The following PPP1R7 variants were observed in gnomAD, a reference collection of about 807,000 sequenced individuals.
PPP1R7 encodes the protein protein phosphatase 1 regulatory subunit 22.
In PPP1R7, 18 loss-of-function variants were observed where a neutral mutation model predicts 45.2. The ratio of observed to expected loss-of-function variants is 0.40; its 90% CI spans 0.28 to 0.59. The LOEUF (loss-of-function observed/expected upper bound fraction) is 0.59, where lower values mean the gene tolerates loss of function less well. Among genes scored for constraint, PPP1R7 ranks in the 20% least tolerant of loss-of-function variants. The pLI is 0.46. For synonymous variants in PPP1R7, 181 were observed against 183.4 expected, an observed-to-expected ratio of 0.99 and a Z score of 0.11; for missense variants, 314 against 455.8, an observed-to-expected ratio of 0.69 and a Z score of 2.83.
At chr2:241,171,783 A>G (rs771041142) in intron 9 of PPP1R7, among the ~76,000 whole-genome samples, 1 of 152,316 alleles carries the variant, frequency 6.6e-6, no homozygotes, top group African/African-American at 2.4e-5. Flanking sequence ...ATCATATGAA[A>G]TGTTCTTCTT....
chr2:241,170,680 C>A (rs1324448812), intron 9 of PPP1R7, among the ~76,000 whole-genome samples: 1 of 152,194 alleles, frequency 6.6e-6, no homozygotes, highest in Non-Finnish European at 1.5e-5. Flanking sequence ...GTGCTGCTGA[C>A]CCTGCTTATG....
chr2:241,176,570 G>C (rs1452540055), intron 9 of PPP1R7, among the ~76,000 whole-genome samples: 2 of 151,040 alleles, frequency 1.3e-5, no homozygotes, highest in Non-Finnish European at 2.9e-5. Context: ...TGATTCTCCT[G>C]CCTCAGCCTC....
chr2:241,174,156 A>G (rs1574728281), intron 9 of PPP1R7, among the ~76,000 whole-genome samples: 1 of 152,312 alleles, frequency 6.6e-6, no homozygotes, highest in Middle Eastern at 3.4e-3. Flanking sequence ...GAGTACATCT[A>G]AATAGTCTAC....
rs115788880 is a variant in PPP1R7 at position 241,159,116 on chromosome 2, T to C, written c.304-97T>C. ...GCAGGAGAATGAAGACATGTCCTTCTACCAGAAAGGCCTTTCTTGTGTCCT... is the reference window on the plus strand; with the variant it reads ...GCAGGAGAATGAAGACATGTCCTTCCACCAGAAAGGCCTTTCTTGTGTCCT... On this transcript the variant is annotated intron_variant, in intron 4 of 9. Coordinates refer to ENST00000234038, the MANE Select transcript of PPP1R7 (RefSeq NM_002712.3). 3.9e-3 allele frequency: 5,480 copies of C among 1,405,118 alleles called. 156 individuals are homozygous for C. In the African/African-American group the frequency reaches 0.062, roughly 16 times the overall value. The allele number at this position is 1,405,118 out of a possible 1,614,324, so 87.0% of individuals were successfully genotyped here.
At chr2:241,155,203 G>A (rs911329487) in intron 2 of PPP1R7, 3 of 152,260 alleles carry the variant, frequency 2.0e-5, no homozygotes, top group Admixed American at 6.5e-5. Context: ...GGCAGAGCAA[G>A]CCTTGTGTGC....
At chr2:241,157,214 T>G (rs761714755) in intron 2 of PPP1R7, among the ~76,000 whole-genome samples, 3 of 152,198 alleles carry the variant, frequency 2.0e-5, no homozygotes, top group Non-Finnish European at 4.4e-5. Flanking sequence ...AATTATTCAG[T>G]GAGCTTCTTT....
At chr2:241,181,977 T>A (rs2268900) in intron 9 of PPP1R7, among the ~76,000 whole-genome samples, 3,844 of 149,744 alleles carry the variant, frequency 0.026, 282 homozygotes, top group East Asian at 0.21. Flanking sequence ...CACTCCAGCC[T>A]GGGCGACAGA....
chr2:241,150,326 C>T (rs1192460313), upstream of PPP1R7: 2 of 1,320,626 alleles, frequency 1.5e-6, no homozygotes, highest in Non-Finnish European at 1.9e-6. Context: ...GCGCGGCGCG[C>T]GGCCTCATGA....
At chr2:241,163,254 A>G (rs893462793) in intron 6 of PPP1R7, 31 bp from the exon 7 acceptor site, 55 of 1,472,930 alleles carry the variant, frequency 3.7e-5, no homozygotes, top group Non-Finnish European at 5.2e-5. Context: ...TGTCAACTGC[A>G]GTACTCATTG....
In PPP1R7 at chr2:241,160,507, A is replaced by G. The variant is rs2067561117; in HGVS notation, c.597+13A>G. The G allele has an allele frequency of 4.4e-6, 7 of 1,578,740 alleles. No individual in the cohort carries two copies. The East Asian group carries it at 1.6e-4, about 36-fold the overall frequency. Reference sequence around the variant, plus strand: ...TAACCGCATCCGGGTAGGTGCAGACAGCCCTGACTAGTATATTCAGGGAGA... The same window carrying G: ...TAACCGCATCCGGGTAGGTGCAGACGGCCCTGACTAGTATATTCAGGGAGA... On this transcript the variant is annotated intron_variant, in intron 6 of 9. Transcript: ENST00000234038.
intron 9 of PPP1R7, among the ~76,000 whole-genome samples, chr2:241,180,610 C>A (rs1275872817): frequency 6.6e-6 from 1 of 152,186 alleles, no homozygotes; most frequent in Non-Finnish European, 1.5e-5. Context: ...ACCGGCCAAT[C>A]ACAGGCCTGG....
intron 5 of PPP1R7, among the ~76,000 whole-genome samples, 160 bp from the exon 6 acceptor site, chr2:241,160,172 C>T (rs2067552088): frequency 6.6e-6 from 1 of 152,172 alleles, no homozygotes; most frequent in African/African-American, 2.4e-5. Flanking sequence ...TCAGTGTGAG[C>T]CAGGCGGCAG....
chr2:241,153,420 G>A, intron 1 of PPP1R7, 56 bp from the exon 2 acceptor site: 2 of 1,603,786 alleles, frequency 1.2e-6, no homozygotes, highest in Non-Finnish European at 1.7e-6. Flanking sequence ...TTTATTATAT[G>A]TTCCTCAAAG....
intron 1 of PPP1R7, among the ~76,000 whole-genome samples, chr2:241,152,344 G>A (rs2067342278): frequency 6.6e-6 from 1 of 152,234 alleles, no homozygotes; most frequent in Non-Finnish European, 1.5e-5. Context: ...GGACTCAAAA[G>A]ATCAGATTTG....
rs376200045 is a variant in PPP1R7, at chr2:241,162,873, C to T, written c.598-412C>T. ...AATTTTTTTGTATTTTTAATAAAGA[C>T]AGGGTTTCACCGTGTTAGCCAGGAT... On this transcript the variant is annotated intron_variant, in intron 6 of 9. Transcript: ENST00000234038. Among the ~76,000 whole-genome samples the T allele has an allele frequency of 2.6e-5, 4 of 152,108 alleles. No homozygotes were observed. In the East Asian group the frequency reaches 7.7e-4, roughly 29 times the overall value.
intron 8 of PPP1R7, among the ~76,000 whole-genome samples, chr2:241,168,846 A>G (rs1254770395): frequency 1.3e-5 from 2 of 152,274 alleles, no homozygotes; most frequent in East Asian, 1.9e-4. Flanking sequence ...GGGGAGGAGT[A>G]TTTGCTTTTG....
intron 8 of PPP1R7, chr2:241,166,995 G>A (rs1423471456): frequency 1.9e-6 from 3 of 1,556,702 alleles, no homozygotes; most frequent in Admixed American, 3.4e-5. Context: ...TTCCACACCT[G>A]TCCTCACCTG....
upstream of PPP1R7, chr2:241,150,319 C>A: frequency 7.5e-7 from 1 of 1,331,512 alleles, no homozygotes; most frequent in Non-Finnish European, 9.6e-7. Flanking sequence ...GGGGGAGGCG[C>A]GGCGCGCGGC....
At chr2:241,176,788 A>G (rs905485915) in intron 9 of PPP1R7, among the ~76,000 whole-genome samples, 4 of 152,214 alleles carry the variant, frequency 2.6e-5, no homozygotes, top group Non-Finnish European at 4.4e-5. Context: ...AAAATCTACT[A>G]AAACAGTGAG....
Sources: allele counts gnomAD v4.1 joint callset (sites outside exome capture counted in the v4.1 genomes callset), GRCh38; gene constraint gnomAD v4.1.1; transcripts MANE v1.5; gene names NCBI Gene and HGNC (gene_info 2026-07-23, HGNC 2026-07-21).